Variants in CLNK observed in about 807,000 individuals in gnomAD.
CLNK encodes the protein cytokine-dependent hematopoietic cell linker.
In CLNK, 74 loss-of-function variants were observed where a neutral mutation model predicts 68.6. The ratio of observed to expected loss-of-function variants is 1.08; its 90% CI spans 0.89 to 1.31. The LOEUF (loss-of-function observed/expected upper bound fraction) is 1.31. Among genes scored for constraint, CLNK ranks in the 50% most tolerant of loss-of-function variants. CLNK has a pLI of 0.00. For synonymous variants in CLNK, 198 were observed against 172.2 expected (o/e 1.15, Z -1.17); for missense variants, 553 against 515.3 (o/e 1.07, Z -0.71).
At chr4:10,728,383 A>AGG in the CLNK span, among the ~76,000 whole-genome samples, 1 of 81,512 alleles carries the variant, frequency 1.2e-5, no homozygotes, top group South Asian at 6.0e-4. Flanking sequence ...TTTATTCTAA[A>AGG]GAGTGTGTGT....
intron 11 of CLNK, among the ~76,000 whole-genome samples, chr4:10,537,028 C>G (rs1466002114): frequency 2.0e-5 from 3 of 152,188 alleles, no homozygotes; most frequent in African/African-American, 7.2e-5. Context: ...GGTTCTTAGC[C>G]CTGTCTGCAT....
the CLNK span, among the ~76,000 whole-genome samples, chr4:10,708,373 T>A: frequency 4.4e-3 from 668 of 152,358 alleles, 3 homozygotes; most frequent in African/African-American, 0.015. Context: ...CAGCCCTTTG[T>A]GGTGAACACT....
intron 1 of CLNK, among the ~76,000 whole-genome samples, chr4:10,681,803 C>T (rs1379979953): frequency 6.6e-6 from 1 of 152,094 alleles, no homozygotes; most frequent in African/African-American, 2.4e-5. Context: ...CTCGGGTGGA[C>T]CTGGGTCTCA....
chr4:10,595,842 G>T (rs1338022201), intron 3 of CLNK, among the ~76,000 whole-genome samples: 2 of 152,038 alleles, frequency 1.3e-5, no homozygotes, highest in Non-Finnish European at 2.9e-5. Context: ...TCCAGTGAGG[G>T]TTACCTATTA....
chr4:10,500,301 G>T (rs149697947), intron 18 of CLNK, among the ~76,000 whole-genome samples: 18 of 152,162 alleles, frequency 1.2e-4, no homozygotes, highest in African/African-American at 4.3e-4. Context: ...TGTGTCTTTG[G>T]CCATTTATTT....
chr4:10,526,278 C>T (rs1190426160), intron 13 of CLNK, among the ~76,000 whole-genome samples: 4 of 152,022 alleles, frequency 2.6e-5, no homozygotes, highest in Admixed American at 1.3e-4. Context: ...TTATATCATT[C>T]GACAAACATT....
At chr4:10,538,144 C>T (rs1237874151) in intron 11 of CLNK, among the ~76,000 whole-genome samples, 8 of 152,126 alleles carry the variant, frequency 5.3e-5, no homozygotes, top group Non-Finnish European at 1.2e-4. Context: ...TTGAGACAGT[C>T]TCTCTCTGTT....
chr4:10,560,465 G>T (rs975676859), intron 7 of CLNK, among the ~76,000 whole-genome samples: 2 of 151,974 alleles, frequency 1.3e-5, no homozygotes, highest in African/African-American at 2.4e-5. Flanking sequence ...TGTCGCTCCG[G>T]CTGGAGTTCA....
At chr4:10,714,762 T>C in the CLNK span, among the ~76,000 whole-genome samples, 1 of 151,950 alleles carries the variant, frequency 6.6e-6, no homozygotes, top group East Asian at 1.9e-4. Context: ...AAGTTAAATA[T>C]TGCAAATCTC....
Position 10,571,754 on chromosome 4 carries a change from G to C in CLNK, c.137C>G (p.Pro46Arg), listed in dbSNP as rs769008380. Residue 46 changes from proline to arginine, a missense_variant, in exon 5 of 19, where the codon CCT becomes CGT. By Grantham distance (103) the Pro-to-Arg change is moderately radical (BLOSUM62 -2). Transcript: ENST00000226951. ...CAGCTGACTTACCCAGTCTAGAAGAGGCTTGTTCATCCTCTGGTACTGGCC... is the reference window on the plus strand; with the variant it reads ...CAGCTGACTTACCCAGTCTAGAAGACGCTTGTTCATCCTCTGGTACTGGCC... ...ATGQYQRMNKPLLDWERNFAA... is the reference protein window; with the variant it reads ...ATGQYQRMNKRLLDWERNFAA... 1.4e-5 allele frequency: 22 copies of C among 1,612,880 alleles called. No homozygotes were observed. The highest frequency in any genetic ancestry group is 3.3e-4 in the Middle Eastern group (2 of 6,058).
chr4:10,597,484 T>A (rs954305510), intron 3 of CLNK, among the ~76,000 whole-genome samples: 1 of 152,218 alleles, frequency 6.6e-6, no homozygotes, highest in Non-Finnish European at 1.5e-5. Context: ...TGTCTTTTGT[T>A]GCTGCATTTT....
At chr4:10,596,894 G>A (rs767720114) in intron 3 of CLNK, among the ~76,000 whole-genome samples, 1 of 151,902 alleles carries the variant, frequency 6.6e-6, no homozygotes. Flanking sequence ...TCTGAAAGAG[G>A]GCTTCTAAAC....
chr4:10,669,850 G>A (rs1290960914), intron 1 of CLNK, among the ~76,000 whole-genome samples: 1 of 152,194 alleles, frequency 6.6e-6, no homozygotes, highest in Non-Finnish European at 1.5e-5. Context: ...GCCCACTGTG[G>A]CAGTGTGTAG....
intron 8 of CLNK, among the ~76,000 whole-genome samples, chr4:10,555,965 G>A (rs1719659023): frequency 6.6e-6 from 1 of 152,160 alleles, no homozygotes; most frequent in Non-Finnish European, 1.5e-5. Context: ...ATGATGTAAA[G>A]AAAATAACTC....
intron 5 of CLNK, among the ~76,000 whole-genome samples, chr4:10,567,512 C>G: frequency 6.6e-6 from 1 of 152,100 alleles, no homozygotes; most frequent in East Asian, 1.9e-4. Context: ...ATCTTCATTT[C>G]TTGGCTTAGG....
intron 7 of CLNK, among the ~76,000 whole-genome samples, chr4:10,559,199 T>C (rs1446542959): frequency 1.3e-5 from 2 of 152,156 alleles, no homozygotes; most frequent in African/African-American, 4.8e-5. Flanking sequence ...TAAGCCTAGG[T>C]TAATATTAGG....
intron 8 of CLNK, 70 bp downstream of exon 8, chr4:10,558,337 C>A (rs1039343552): frequency 3.1e-6 from 4 of 1,304,092 alleles, no homozygotes; most frequent in Non-Finnish European, 3.3e-6. Flanking sequence ...AACAGTAATG[C>A]GAGAGGATCT....
intron 7 of CLNK, among the ~76,000 whole-genome samples, chr4:10,559,674 C>T (rs1024773724): frequency 2.6e-5 from 4 of 152,080 alleles, no homozygotes; most frequent in Admixed American, 1.3e-4. Context: ...TCCAAGTAGT[C>T]CCAAGCAGCA....
intron 2 of CLNK, among the ~76,000 whole-genome samples, chr4:10,652,910 T>C (rs950356130): frequency 4.6e-5 from 7 of 152,238 alleles, no homozygotes; most frequent in African/African-American, 1.7e-4. Flanking sequence ...ATTGCGGCAC[T>C]GTTCACAACA....
Sources: gnomAD v4.1 joint callset for allele counts (sites outside exome capture counted in the v4.1 genomes callset) on GRCh38, gnomAD v4.1.1 for gene constraint, MANE v1.5 for transcripts, NCBI Gene and HGNC (gene_info 2026-07-23, HGNC 2026-07-21) for gene names.